The following CHRM3 variants were observed in gnomAD, a reference collection of about 807,000 sequenced individuals.
CHRM3 encodes cholinergic receptor muscarinic 3.
A neutral mutation model predicts 41.8 loss-of-function variants in CHRM3; 11 were observed. The ratio of observed to expected loss-of-function variants is 0.26; its 90% CI spans 0.17 to 0.44. The LOEUF (loss-of-function observed/expected upper bound fraction) is 0.44. Ranked by LOEUF, CHRM3 falls within the 20% of genes least tolerant of loss-of-function variation. The probability of loss-of-function intolerance (pLI) is 1.00; values close to 1 mark genes in which losing one functional copy is unlikely to be tolerated. For synonymous variants in CHRM3, 297 were observed against 301.4 expected, an observed-to-expected ratio of 0.99 and a Z score of 0.15; for missense variants, 571 against 745.4, an observed-to-expected ratio of 0.77 and a Z score of 2.72.
chr1:239,542,637 G>T (rs778561752), intron 2 of CHRM3, among the ~76,000 whole-genome samples: 1 of 152,126 alleles, frequency 6.6e-6, no homozygotes, highest in Admixed American at 6.5e-5. Context: ...GCTGTCCAAG[G>T]TCATGTAGCA....
intron 2 of CHRM3, among the ~76,000 whole-genome samples, chr1:239,544,921 G>C (rs944086563): frequency 2.6e-5 from 4 of 152,204 alleles, no homozygotes; most frequent in Non-Finnish European, 5.9e-5. Flanking sequence ...TGGTAAAGCA[G>C]CACGTTCTAT....
intron 5 of CHRM3, among the ~76,000 whole-genome samples, chr1:239,698,686 G>A (rs1022227868): frequency 5.9e-5 from 9 of 152,090 alleles, no homozygotes; most frequent in African/African-American, 2.2e-4. Flanking sequence ...ATTTTCCCAT[G>A]GTCACCCAGA....
intron 6 of CHRM3, among the ~76,000 whole-genome samples, chr1:239,871,835 C>T (rs1676614572): frequency 6.6e-6 from 1 of 152,138 alleles, no homozygotes; most frequent in Non-Finnish European, 1.5e-5. Flanking sequence ...GAAAAGCTGA[C>T]ATTCCCAAAG....
intron 4 of CHRM3, among the ~76,000 whole-genome samples, chr1:239,643,862 G>C (rs762798030): frequency 3.9e-5 from 6 of 152,154 alleles, no homozygotes; most frequent in African/African-American, 7.2e-5. Context: ...CTTCTGCGTC[G>C]CTCACACTGG....
chr1:239,693,313 T>G (rs931517131), intron 5 of CHRM3, among the ~76,000 whole-genome samples: 1 of 152,088 alleles, frequency 6.6e-6, no homozygotes, highest in African/African-American at 2.4e-5. Flanking sequence ...TTTGGAGATA[T>G]GGGTTTTAGG....
intron 6 of CHRM3, among the ~76,000 whole-genome samples, chr1:239,851,869 A>G (rs952555464): frequency 2.0e-5 from 3 of 152,078 alleles, no homozygotes; most frequent in Non-Finnish European, 4.4e-5. Context: ...CTTTCCTATC[A>G]TCTCGTAGAA....
chr1:239,462,735 A>AT (rs1665449121), intron 1 of CHRM3, among the ~76,000 whole-genome samples: 1 of 152,212 alleles, frequency 6.6e-6, no homozygotes, highest in Non-Finnish European at 1.5e-5. Context: ...ATTTTGTGAG[A>AT]TTTTAGCGTC....
chr1:239,485,625 T>C (rs552389781), intron 1 of CHRM3, among the ~76,000 whole-genome samples: 1 of 152,106 alleles, frequency 6.6e-6, no homozygotes, highest in Non-Finnish European at 1.5e-5. Flanking sequence ...TCACTTGAAA[T>C]CTCCTGATCT....
At chr1:239,611,175 C>A (rs1046624178) in intron 3 of CHRM3, among the ~76,000 whole-genome samples, 3 of 152,124 alleles carry the variant, frequency 2.0e-5, no homozygotes, top group African/African-American at 7.2e-5. Context: ...TAAATTTGAG[C>A]TGTAACTTTA....
At chr1:239,684,774 AAG>A (rs1321397369) in intron 5 of CHRM3, among the ~76,000 whole-genome samples, 3 of 59,944 alleles carry the variant, frequency 5.0e-5, no homozygotes, top group African/African-American at 9.8e-5. Context: ...AAGAAAGAGA[AAG>A]AGAAAGAAAA....
intron 5 of CHRM3, among the ~76,000 whole-genome samples, chr1:239,719,361 T>C (rs1310319525): frequency 3.3e-5 from 5 of 151,982 alleles, no homozygotes; most frequent in Admixed American, 6.6e-5. Flanking sequence ...GTAAAACCAA[T>C]ATAGCACCCT....
At chr1:239,432,991 A>G (rs1572278254) in intron 1 of CHRM3, among the ~76,000 whole-genome samples, 1 of 151,928 alleles carries the variant, frequency 6.6e-6, no homozygotes, top group African/African-American at 2.4e-5. Flanking sequence ...TTCCCCTACA[A>G]CTTTAGCTAT....
chr1:239,412,892 A>T (rs2103054720), intron 1 of CHRM3, among the ~76,000 whole-genome samples: 1 of 152,080 alleles, frequency 6.6e-6, no homozygotes, highest in South Asian at 2.1e-4. Flanking sequence ...CAGCCTGGCC[A>T]ACATGGTGAA....
At chr1:239,714,744 C>A (rs370731339) in intron 5 of CHRM3, among the ~76,000 whole-genome samples, 1 of 152,064 alleles carries the variant, frequency 6.6e-6, no homozygotes, top group Admixed American at 6.6e-5. Context: ...GAAGAATAGA[C>A]TGAGGGGCAG....
intron 2 of CHRM3, among the ~76,000 whole-genome samples, chr1:239,512,905 A>T (rs1669018829): frequency 6.6e-6 from 1 of 151,864 alleles, no homozygotes; most frequent in Non-Finnish European, 1.5e-5. Flanking sequence ...GCTTGGTCAT[A>T]AGCTCTCCCA....
intron 3 of CHRM3, among the ~76,000 whole-genome samples, chr1:239,585,154 T>C (rs1663284560): frequency 6.6e-6 from 1 of 151,866 alleles, no homozygotes; most frequent in Admixed American, 6.6e-5. Context: ...TAGGCACATA[T>C]TCACGTGCAA....
chr1:239,900,092 A>G (rs1403553054), intron 6 of CHRM3, among the ~76,000 whole-genome samples: 2 of 152,232 alleles, frequency 1.3e-5, no homozygotes, highest in African/African-American at 4.8e-5. Context: ...AATATCATTC[A>G]ATTCAATGAG....
intron 5 of CHRM3, among the ~76,000 whole-genome samples, chr1:239,776,433 T>C (rs1412638920): frequency 6.6e-6 from 1 of 152,172 alleles, no homozygotes; most frequent in South Asian, 2.1e-4. Context: ...AGAATAATAA[T>C]ATGAAGGACT....
At chr1:239,797,410 A>G (rs934745576) in intron 5 of CHRM3, among the ~76,000 whole-genome samples, 1 of 151,606 alleles carries the variant, frequency 6.6e-6, no homozygotes, top group Non-Finnish European at 1.5e-5. Context: ...CATTCTTTAA[A>G]AAAAAAAAAA....
Sources: gnomAD v4.1 joint callset for allele counts (sites outside exome capture counted in the v4.1 genomes callset) on GRCh38, gnomAD v4.1.1 for gene constraint, MANE v1.5 for transcripts, NCBI Gene and HGNC (gene_info 2026-07-23, HGNC 2026-07-21) for gene names.